CRYBG2: variants seen among roughly 807,000 people sequenced by gnomAD.
CRYBG2 encodes the protein beta/gamma crystallin domain-containing protein 2.
Under a neutral mutation model 153.4 loss-of-function variants are expected in CRYBG2, and 106 were observed. The observed-to-expected ratio is 0.69, with a 90% CI of 0.59 to 0.81. The LOEUF is 0.81. CRYBG2 is among the 30% of genes least tolerant of loss of function. The pLI, the probability that CRYBG2 is intolerant of heterozygous loss-of-function variation, is 0.00. For missense variants in CRYBG2, 1,996 were observed against 2,112.0 expected, an observed-to-expected ratio of 0.95 and a Z score of 1.08; for synonymous variants, 851 against 877.8, an observed-to-expected ratio of 0.97 and a Z score of 0.54.
In CRYBG2 at chr1:26,326,645, T is replaced by G. The variant is rs1280534436; in HGVS notation, c.4578+1564A>C. On this transcript the variant is annotated intron_variant, in intron 17 of 19. Coordinates refer to ENST00000308182, the MANE Select transcript of CRYBG2 (RefSeq NM_001039775.4). ...TAAAGTTAAAAAAAATGTGATTTTT[T>G]TCTTTTTCCTCTTCTGGGGATATTG... is the stretch of plus-strand genomic sequence containing the variant. The G allele has an allele frequency of 2.0e-5, 4 of 204,200 alleles. No individual in the cohort carries two copies. The East Asian group carries it at 4.4e-4, about 22-fold the overall frequency. 12.6% of individuals were successfully genotyped at this position (204,200 alleles called of 1,614,324 possible).
At position 26,343,691 on chromosome 1, in the gene CRYBG2, C is replaced by T; in HGVS notation, c.2913+54G>A. ...CACCACTCTCTTCACACCACTCAAG[C>T]CTTGACCCAGGTGAGGCCAGGCACC... is the stretch of plus-strand genomic sequence containing the variant. On this transcript the variant is annotated intron_variant, in intron 2 of 19. Coordinates refer to ENST00000308182, the MANE Select transcript of CRYBG2 (RefSeq NM_001039775.4). The surrounding 1 kb of genome is among the most constrained non-coding windows in gnomAD (Gnocchi z 4.1). The T allele has an allele frequency of 7.0e-7, 1 of 1,437,608 alleles. No homozygotes were observed. The highest frequency in any genetic ancestry group is 9.1e-7 in the Non-Finnish European group (1 of 1,094,278). The allele number at this position is 1,437,608 out of a possible 1,614,324, so 89.1% of individuals were successfully genotyped here. A position where few individuals can be genotyped will look rare whatever the true frequency, so the allele number is the denominator to read the frequency against.
chr1:26,327,296 G>A (rs949399185), intron 17 of CRYBG2, among the ~76,000 whole-genome samples: 7 of 151,892 alleles, frequency 4.6e-5, no homozygotes, highest in South Asian at 2.1e-4. Flanking sequence ...GTGAAACCTC[G>A]TCTCTACTAA....
rs543690292 is a variant in CRYBG2 at position 26,343,927 on chromosome 1, C to T, written c.2731G>A (p.Gly911Ser). 6.9e-4 allele frequency: 1,055 copies of T among 1,538,364 alleles called. 1 individual carries two copies. The highest frequency in any genetic ancestry group is 1.1e-3 in the South Asian group (91 of 83,400). ...TSRLGGSLLF[G>S]SLVPTAKEAS... ...TCCTTGGCGGTAGGCACCAGACTGC[C>T]GAACAGAAGGCTGCCTCCAAGACGG... The change falls in exon 2 of 20, where the codon GGC (glycine) becomes AGC (serine). Residue 911 changes from glycine to serine, a missense_variant. Transcript: ENST00000308182. This position sits in a 1 kb window ranked among gnomAD's most constrained non-coding sequence, Gnocchi z 4.1.
At chr1:26,347,301 T>TTTC (rs2074236149) in intron 1 of CRYBG2, among the ~76,000 whole-genome samples, 1 of 138,128 alleles carries the variant, frequency 7.2e-6, no homozygotes, top group African/African-American at 2.7e-5. Context: ...TTTTTTTTTT[T>TTTC]TTTTTTTTGT....
In CRYBG2 at chr1:26,343,759, G is replaced by T; in HGVS notation, c.2899C>A (p.Pro967Thr). The change falls in exon 2 of 20, where the codon CCC (proline) becomes ACC (threonine). Residue 967 changes from proline to threonine, a missense_variant. By Grantham distance (38) the Pro-to-Thr change is conservative. Transcript: ENST00000308182. The surrounding 1 kb of genome is among the most constrained non-coding windows in gnomAD (Gnocchi z 4.1). Reference protein sequence around the residue: ...SPTEKLACSLPLEGWSPALKT... With the variant: ...SPTEKLACSLTLEGWSPALKT... Reference sequence around the variant, plus strand: ...GCCTCACTTACCCACCCCTCCAGGGGCAGGGAACAGGCAAGCTTCTCCGTT... The same window carrying T: ...GCCTCACTTACCCACCCCTCCAGGGTCAGGGAACAGGCAAGCTTCTCCGTT... 1 of 1,446,650 alleles carries T rather than the reference G, an allele frequency of 6.9e-7. No homozygotes were observed. The highest frequency in any genetic ancestry group is 2.5e-5 in the East Asian group (1 of 39,918). 89.6% of individuals were successfully genotyped at this position (1,446,650 alleles called of 1,614,324 possible).
In CRYBG2 at chr1:26,344,545, G is replaced by A; in HGVS notation, c.2113C>T (p.Leu705Phe). 6.5e-7 allele frequency: 1 copy of A among 1,544,486 alleles called. No individual in the cohort carries two copies. The highest frequency in any genetic ancestry group is 8.7e-7 in the Non-Finnish European group (1 of 1,146,918). Residue 705 changes from leucine (L) to phenylalanine (F), a missense_variant, in exon 2 of 20, where the codon CTC becomes TTC. Leu to Phe is a conservative substitution (Grantham distance 22). Coordinates refer to ENST00000308182, the MANE Select transcript of CRYBG2 (RefSeq NM_001039775.4). Reference protein sequence around the residue: ...QKEVVQDPDALPAPSSSVDRV... With the variant: ...QKEVVQDPDAFPAPSSSVDRV... ...TCCACTGAGGAAGATGGGGCAGGGA[G>A]AGCATCAGGGTCCTGCACAACCTCT...
intron 15 of CRYBG2, among the ~76,000 whole-genome samples, chr1:26,329,215 C>T (rs1335830560): frequency 8.4e-6 from 1 of 119,084 alleles, no homozygotes; most frequent in African/African-American, 3.3e-5. Flanking sequence ...TCACTCTTGT[C>T]ACCCAGGCTG....
intron 14 of CRYBG2, 143 bp downstream of exon 14, chr1:26,335,952 A>T (rs2074048109): frequency 1.6e-6 from 1 of 620,612 alleles, no homozygotes; most frequent in Non-Finnish European, 2.6e-6. Context: ...TTTCCATTAA[A>T]ACCTTATTTT....
intron 1 of CRYBG2, among the ~76,000 whole-genome samples, chr1:26,351,444 G>A (rs1157355314): frequency 2.0e-5 from 3 of 152,146 alleles, no homozygotes; most frequent in Non-Finnish European, 1.5e-5. Flanking sequence ...ATCAAGGGAT[G>A]TGCTAGGCCT....
At chr1:26,340,818 G>A (rs1557713244) in intron 5 of CRYBG2, among the ~76,000 whole-genome samples, 1 of 151,690 alleles carries the variant, frequency 6.6e-6, no homozygotes, top group East Asian at 2.0e-4. Context: ...GGTTTCATCA[G>A]GTTGGCCAGG....
rs375055275 is a variant in CRYBG2 at position 26,338,059 on chromosome 1, A to G, written c.3472-12T>C. On this transcript the variant is annotated splice_polypyrimidine_tract_variant and intron_variant, in intron 7 of 19. Coordinates refer to ENST00000308182, the MANE Select transcript of CRYBG2 (RefSeq NM_001039775.4). ...ACACTTGGGCAGCCCTGCAGAGGAG[A>G]CAGAGCTGAGACACCAGCCCAGAGA... 1.2e-6 allele frequency: 2 copies of G among 1,612,248 alleles called. No homozygotes were observed. Among genetic ancestry groups the G allele is most frequent in the African/African-American group, 1.3e-5 (1 of 74,982 alleles).
intron 5 of CRYBG2, among the ~76,000 whole-genome samples, chr1:26,339,676 C>T (rs1433450315): frequency 7.9e-5 from 12 of 151,192 alleles, no homozygotes; most frequent in Non-Finnish European, 1.6e-4. Context: ...GCAGAGGTTG[C>T]GGTGAGCCGA....
chr1:26,353,382 T>C (rs2074306126), intron 1 of CRYBG2, among the ~76,000 whole-genome samples: 1 of 152,182 alleles, frequency 6.6e-6, no homozygotes, highest in Admixed American at 6.5e-5. Context: ...TTGATGAGCT[T>C]TGGGGGACAT....
chr1:26,328,644 G>T, intron 16 of CRYBG2, 90 bp downstream of exon 16: 1 of 1,506,178 alleles, frequency 6.6e-7, no homozygotes, highest in Non-Finnish European at 8.9e-7. Context: ...GTGGGGAGGG[G>T]AAAGAGGCCA....
At chr1:26,352,990 G>C (rs968817732) in intron 1 of CRYBG2, among the ~76,000 whole-genome samples, 8 of 151,940 alleles carry the variant, frequency 5.3e-5, no homozygotes, top group Non-Finnish European at 1.0e-4. Flanking sequence ...CGCCATAGGA[G>C]CCTAGAAAAC....
intron 1 of CRYBG2, among the ~76,000 whole-genome samples, chr1:26,353,341 C>T (rs1372511782): frequency 6.6e-6 from 1 of 152,190 alleles, no homozygotes; most frequent in Non-Finnish European, 1.5e-5. Flanking sequence ...TCTTCAGGGT[C>T]ATCCCTGGGA....
At chr1:26,334,536 C>G (rs573848452) in intron 14 of CRYBG2, among the ~76,000 whole-genome samples, 13 of 152,080 alleles carry the variant, frequency 8.5e-5, no homozygotes, top group Non-Finnish European at 1.9e-4. Context: ...GACATAACCA[C>G]ACACACAAAA....
Position 26,336,133 on chromosome 1 carries a change from G to T in CRYBG2, c.4146C>A (p.Ala1382=). The T allele has an allele frequency of 6.6e-7, 1 of 1,526,262 alleles. No homozygotes were observed. The highest frequency in any genetic ancestry group is 2.4e-5 in the East Asian group (1 of 40,830). The allele number at this position is 1,526,262 out of a possible 1,614,324, so 94.5% of individuals were successfully genotyped here. A position where few individuals can be genotyped will look rare whatever the true frequency, so the allele number is the denominator to read the frequency against. ...SFEDDQAALP[A]SFRPQSCRVH... is the part of the protein sequence containing the mutation. ...CCCGGCAGGACTGAGGTCGGAAGGA[G>T]GCGGGCAGAGCGGCCTGGTCATCTT... Residue 1382 remains alanine, a synonymous_variant, in exon 14 of 20, where the codon GCC becomes GCA. Transcript: ENST00000308182. The surrounding 1 kb of genome is among the most constrained non-coding windows in gnomAD (Gnocchi z 4.9).
intron 14 of CRYBG2, among the ~76,000 whole-genome samples, chr1:26,333,086 A>G (rs1339373209): frequency 7.1e-6 from 1 of 141,620 alleles, no homozygotes; most frequent in Non-Finnish European, 1.5e-5. Context: ...AAAAGTTGGC[A>G]GGGACAGAGA....
Sources: gnomAD v4.1 joint callset for allele counts (sites outside exome capture counted in the v4.1 genomes callset) on GRCh38, gnomAD v4.1.1 for gene constraint, Gnocchi (gnomAD v3.1) non-coding constraint, MANE v1.5 for transcripts, NCBI Gene and HGNC (gene_info 2026-07-23, HGNC 2026-07-21) for gene names.